SDHAF4: variants seen among roughly 807,000 people sequenced by gnomAD.
The protein encoded by SDHAF4 is succinate dehydrogenase assembly factor 4, mitochondrial.
Under a neutral mutation model 14.3 loss-of-function variants are expected in SDHAF4, and 14 were observed. That is an observed-to-expected ratio of 0.98 (90% CI 0.65 to 1.53). The LOEUF is 1.53. Among genes scored for constraint, SDHAF4 ranks in the 40% most tolerant of loss-of-function variants. SDHAF4 has a pLI of 0.00. For missense variants in SDHAF4, 141 were observed against 129.3 expected (o/e 1.09, Z -0.44); for synonymous variants, 63 against 47.3 (o/e 1.33, Z -1.36).
At position 70,579,559 on chromosome 6, in the gene SDHAF4, A is replaced by G. The variant is rs952632824; in HGVS notation, c.210A>G (p.Pro70=). Residue 70 remains proline, a synonymous_variant, in exon 2 of 3, where the codon CCA becomes CCG. Coordinates refer to ENST00000370474, the MANE Select transcript of SDHAF4 (RefSeq NM_145267.3). ...AGGATTCCCATTTAGAGAAAGAACCACTGGAAAGTAAGTATAATAAAGCAC... is the reference window on the plus strand; with the variant it reads ...AGGATTCCCATTTAGAGAAAGAACCGCTGGAAAGTAAGTATAATAAAGCAC... ...APEDSHLEKE[P]LEKFPDDVNP... 2 of 1,596,574 alleles carry G rather than the reference A, an allele frequency of 1.3e-6. No individual in the cohort carries two copies. The highest frequency in any genetic ancestry group is 1.7e-6 in the Non-Finnish European group (2 of 1,171,190).
intron 1 of SDHAF4, chr6:70,567,744 GGC>G (rs1802120625): frequency 6.6e-6 from 1 of 152,134 alleles, no homozygotes; most frequent in Admixed American, 6.5e-5. Context: ...GGAGTGCAGT[GGC>G]GCAATCTCGG....
intron 1 of SDHAF4, among the ~76,000 whole-genome samples, chr6:70,571,644 C>T (rs1309045177): frequency 6.6e-6 from 1 of 152,154 alleles, no homozygotes; most frequent in Non-Finnish European, 1.5e-5. Flanking sequence ...GTTATTCTAG[C>T]CTCATATAAT....
intron 1 of SDHAF4, among the ~76,000 whole-genome samples, chr6:70,577,592 A>G (rs1581928748): frequency 6.6e-6 from 1 of 152,218 alleles, no homozygotes; most frequent in Admixed American, 6.5e-5. Flanking sequence ...CAGGGAGTAC[A>G]CGTGCAGGTT....
At chr6:70,579,021 G>A (rs1179082184) in intron 1 of SDHAF4, among the ~76,000 whole-genome samples, 2 of 152,168 alleles carry the variant, frequency 1.3e-5, no homozygotes, top group Non-Finnish European at 2.9e-5. Flanking sequence ...AGAGGACCTT[G>A]ATTAGGATTT....
At chr6:70,579,278 C>G (rs569217511) in intron 1 of SDHAF4, 136 bp from the exon 2 acceptor site, 152 of 666,418 alleles carry the variant, frequency 2.3e-4, no homozygotes, top group South Asian at 1.8e-3. Flanking sequence ...AGAATTTTCA[C>G]TCTGCGTCCT....
At chr6:70,586,428 CTT>C (rs70990316) in intron 2 of SDHAF4, among the ~76,000 whole-genome samples, 10 of 80,302 alleles carry the variant, frequency 1.2e-4, no homozygotes, top group African/African-American at 3.5e-4. Flanking sequence ...ATTTGTTTGC[CTT>C]TTTTTTTTTT....
chr6:70,593,942 A>T (rs189650246), downstream of SDHAF4, among the ~76,000 whole-genome samples: 95 of 152,168 alleles, frequency 6.2e-4, no homozygotes, highest in African/African-American at 2.2e-3. Context: ...GGATCCTCCC[A>T]CCTCAGCCTC....
intron 1 of SDHAF4, among the ~76,000 whole-genome samples, chr6:70,574,740 G>T (rs1438208182): frequency 6.6e-6 from 1 of 151,998 alleles, no homozygotes; most frequent in Non-Finnish European, 1.5e-5. Context: ...GACCAGCCTG[G>T]GCAACATAGT....
intron 1 of SDHAF4, among the ~76,000 whole-genome samples, chr6:70,574,329 GA>G (rs113017217): frequency 4.3e-4 from 62 of 143,652 alleles, no homozygotes; most frequent in East Asian, 2.7e-3. Context: ...CAAAAAAAAA[GA>G]AAAAAAAAAA....
At chr6:70,584,991 A>G (rs1713955572) in intron 2 of SDHAF4, among the ~76,000 whole-genome samples, 2 of 152,224 alleles carry the variant, frequency 1.3e-5, no homozygotes, top group Non-Finnish European at 1.5e-5. Flanking sequence ...TAAATGGTAT[A>G]GAATTCCAAA....
At position 70,589,044 on chromosome 6, in the gene SDHAF4, G is replaced by C. The variant is rs1303473369; in HGVS notation, c.*320G>C. The C allele has an allele frequency of 6.4e-6, 1 of 156,166 alleles. No individual in the cohort carries two copies. The highest frequency in any genetic ancestry group is 6.4e-5 in the Admixed American group (1 of 15,542). 9.7% of individuals were successfully genotyped at this position (156,166 alleles called of 1,614,324 possible). On this transcript the variant is annotated 3_prime_UTR_variant, in exon 3 of 3. Transcript: ENST00000370474. ...AAACCCAGGAGGTGGAGGTTGCGGT[G>C]AGCTGAGGTCGCGCCATTGCACTCC...
At chr6:70,591,718 TGA>T (rs1336766422), downstream of SDHAF4, among the ~76,000 whole-genome samples, 1 of 152,202 alleles carries the variant, frequency 6.6e-6, no homozygotes, top group African/African-American at 2.4e-5. Context: ...TTGAAAATAG[TGA>T]TTATTTACAT....
the SDHAF4 span, among the ~76,000 whole-genome samples, chr6:70,594,754 A>T: frequency 4.6e-5 from 7 of 152,240 alleles, no homozygotes; most frequent in African/African-American, 1.7e-4. Context: ...CTCTATGAAA[A>T]ATACAAAATT....
chr6:70,573,129 G>A (rs1284519314), intron 1 of SDHAF4, among the ~76,000 whole-genome samples: 3 of 151,952 alleles, frequency 2.0e-5, no homozygotes, highest in East Asian at 3.9e-4. Flanking sequence ...AGGCACCACC[G>A]TCATGCAGTC....
chr6:70,589,895 T>C (rs1031467641), downstream of SDHAF4, among the ~76,000 whole-genome samples: 3 of 152,282 alleles, frequency 2.0e-5, 1 homozygote, highest in South Asian at 6.2e-4. Flanking sequence ...CTTGATACCA[T>C]CATGAGAAGA....
chr6:70,584,261 C>T (rs559962414), intron 2 of SDHAF4, among the ~76,000 whole-genome samples: 26 of 152,230 alleles, frequency 1.7e-4, no homozygotes, highest in Non-Finnish European at 2.9e-4. Context: ...GTGATCCGCT[C>T]GCCTCGGCCT....
chr6:70,570,534 G>A (rs1581925314), intron 1 of SDHAF4, among the ~76,000 whole-genome samples: 1 of 152,148 alleles, frequency 6.6e-6, no homozygotes, highest in South Asian at 2.1e-4. Context: ...TGTTAGCCAA[G>A]TGATCCTTGA....
rs758816517 is a variant in SDHAF4 at position 70,588,687 on chromosome 6, G to A, written c.290G>A (p.Gly97Glu). 3 of 1,606,736 alleles carry A rather than the reference G, an allele frequency of 1.9e-6. No individual in the cohort carries two copies. Among genetic ancestry groups the A allele is most frequent in the Non-Finnish European group, 1.7e-6 (2 of 1,175,068 alleles). ...AGGGGCCCAGAACCTACCCGATATG[G>A]AGATTGGGAACGAAAAGGACGCTGT... ...GPRGPEPTRY[G>E]DWERKGRCID... Residue 97 changes from glycine (G) to glutamate (E), a missense_variant, in exon 3 of 3, where the codon GGA becomes GAA. By Grantham distance (98) the Gly-to-Glu change is moderately conservative. Coordinates refer to ENST00000370474, the MANE Select transcript of SDHAF4 (RefSeq NM_145267.3).
At chr6:70,584,208 G>A (rs2128535780) in intron 2 of SDHAF4, among the ~76,000 whole-genome samples, 1 of 152,184 alleles carries the variant, frequency 6.6e-6, no homozygotes, top group Non-Finnish European at 1.5e-5. Context: ...GTAGAGATGG[G>A]GTTTCACCAT....
Sources: allele counts gnomAD v4.1 joint callset (sites outside exome capture counted in the v4.1 genomes callset), GRCh38; gene constraint gnomAD v4.1.1; transcripts MANE v1.5; gene names NCBI Gene and HGNC (gene_info 2026-07-23, HGNC 2026-07-21).